Variants in SNX13 observed in about 807,000 individuals in gnomAD.
SNX13 encodes sorting nexin 13, also known as sorting nexin-13.
Under a neutral mutation model 133.6 loss-of-function variants are expected in SNX13, and 45 were observed. That is an observed-to-expected ratio of 0.34 (90% CI 0.27 to 0.43). The LOEUF is 0.43. Ranked by LOEUF, SNX13 falls within the 20% of genes least tolerant of loss-of-function variation. The pLI is 1.00. For synonymous variants in SNX13, 414 were observed against 373.9 expected (o/e 1.11, Z -1.24); for missense variants, 1,032 against 1,145.1 (o/e 0.90, Z 1.43).
Position 17,801,655 on chromosome 7 carries a change from G to C in SNX13, c.2231C>G (p.Pro744Arg). The C allele has an allele frequency of 6.2e-7, 1 of 1,605,002 alleles. No homozygotes were observed. ...TGAATCAGTCTTAGGAATTAAAGGA[G>C]GCACCTAAAAATAAAACCAAATCCA... The part of the protein sequence containing the change: ...QDIKQSFFKV[P>R]PLIPKTDSDP... Residue 744 changes from proline (P) to arginine (R), a missense_variant, in exon 22 of 26, where the codon CCT becomes CGT. Physicochemically the swap from Pro to Arg is moderately radical, Grantham distance 103 (BLOSUM62 -2). Coordinates refer to ENST00000428135, the MANE Select transcript of SNX13 (RefSeq NM_015132.5).
chr7:17,793,886 G>T lies in SNX13; in HGVS notation c.*159C>A. 1.4e-6 allele frequency: 1 copy of T among 718,174 alleles called. No individual in the cohort carries two copies. Among genetic ancestry groups the T allele is most frequent in the Non-Finnish European group, 2.2e-6 (1 of 465,110 alleles). 44.5% of individuals were successfully genotyped at this position (718,174 alleles called of 1,614,324 possible). ...CTCTTGGTAGTGGTGGATTATAGAT[G>T]AGAATGAGAAGAACCACAGACTTAT... On this transcript the variant is annotated 3_prime_UTR_variant, in exon 26 of 26. Coordinates refer to ENST00000428135, the MANE Select transcript of SNX13 (RefSeq NM_015132.5).
At chr7:17,794,610 A>T (rs1207393823) in intron 25 of SNX13, 1 of 202,960 alleles carries the variant, frequency 4.9e-6, no homozygotes, top group Non-Finnish European at 9.9e-6. Flanking sequence ...CTTACCCACC[A>T]CCCTGACTCT....
intron 22 of SNX13, 79 bp downstream of exon 22, chr7:17,801,509 A>T: frequency 9.5e-7 from 1 of 1,049,702 alleles, no homozygotes; most frequent in Non-Finnish European, 1.4e-6. Flanking sequence ...AATGATACAT[A>T]GAACACTTCA....
chr7:17,875,622 A>G, intron 6 of SNX13, 41 bp from the exon 7 acceptor site: 2 of 1,607,948 alleles, frequency 1.2e-6, no homozygotes, highest in Non-Finnish European at 1.7e-6. Context: ...TGATGAAAGG[A>G]AAACAGATTT....
At chr7:17,918,351 G>C (rs987040970) in intron 1 of SNX13, among the ~76,000 whole-genome samples, 20 of 151,558 alleles carry the variant, frequency 1.3e-4, no homozygotes, top group Non-Finnish European at 2.8e-4. Context: ...ACAACCTACA[G>C]AATGGGAGAA....
At chr7:17,844,089 AAAAG>A (rs1473043717) in intron 12 of SNX13, among the ~76,000 whole-genome samples, 1 of 151,876 alleles carries the variant, frequency 6.6e-6, no homozygotes, top group Non-Finnish European at 1.5e-5. Context: ...AGAGATAAAC[AAAAG>A]AGAGAACAGA....
At chr7:17,913,345 G>A (rs1360910328) in intron 1 of SNX13, among the ~76,000 whole-genome samples, 1 of 152,160 alleles carries the variant, frequency 6.6e-6, no homozygotes, top group African/African-American at 2.4e-5. Flanking sequence ...AACGGGGTCT[G>A]AAAGGGGCCA....
chr7:17,890,702 T>C (rs573205440), intron 4 of SNX13, among the ~76,000 whole-genome samples: 2 of 151,422 alleles, frequency 1.3e-5, no homozygotes, highest in South Asian at 4.2e-4. Flanking sequence ...ACCTACTGCC[T>C]AGATTTAAAA....
intron 18 of SNX13, among the ~76,000 whole-genome samples, chr7:17,820,568 CTTCT>C (rs1419085999): frequency 2.0e-5 from 3 of 152,088 alleles, no homozygotes; most frequent in African/African-American, 7.2e-5. Flanking sequence ...TCAACATTAA[CTTCT>C]TTTTCATCAC....
intron 12 of SNX13, among the ~76,000 whole-genome samples, chr7:17,844,314 A>G (rs1327292194): frequency 6.6e-6 from 1 of 152,056 alleles, no homozygotes; most frequent in Non-Finnish European, 1.5e-5. Flanking sequence ...TGGAAATGGA[A>G]AAATTCCTAG....
chr7:17,803,862 AC>A (rs1469658517), intron 20 of SNX13, among the ~76,000 whole-genome samples: 2 of 149,286 alleles, frequency 1.3e-5, no homozygotes, highest in Admixed American at 6.7e-5. Context: ...CCTGGGCAAC[AC>A]AGTGAGACCC....
At chr7:17,922,993 A>C (rs895781804) in intron 1 of SNX13, among the ~76,000 whole-genome samples, 1 of 152,252 alleles carries the variant, frequency 6.6e-6, no homozygotes, top group Non-Finnish European at 1.5e-5. Context: ...ATAAACAAAA[A>C]AATGCATTGC....
At chr7:17,807,807 G>A (rs551790495) in intron 20 of SNX13, among the ~76,000 whole-genome samples, 1 of 147,944 alleles carries the variant, frequency 6.8e-6, no homozygotes, top group East Asian at 2.0e-4. Flanking sequence ...GCCTCTGCTG[G>A]TGATACTCGG....
chr7:17,913,994 C>A (rs757690532), intron 1 of SNX13, among the ~76,000 whole-genome samples: 4 of 151,818 alleles, frequency 2.6e-5, no homozygotes, highest in African/African-American at 9.7e-5. Flanking sequence ...AAATCCAACA[C>A]AAAGAAGCCA....
At chr7:17,899,249 C>T (rs931090326) in intron 1 of SNX13, 24 of 152,098 alleles carry the variant, frequency 1.6e-4, no homozygotes, top group Admixed American at 1.6e-3. Flanking sequence ...CTTTCTTCAT[C>T]CTTGACCTTT....
chr7:17,858,966 C>A (rs1444589108), intron 9 of SNX13, among the ~76,000 whole-genome samples: 1 of 151,988 alleles, frequency 6.6e-6, no homozygotes, highest in East Asian at 1.9e-4. Flanking sequence ...TGAGATAAAT[C>A]ATAGAACAAA....
intron 11 of SNX13, among the ~76,000 whole-genome samples, chr7:17,847,409 G>A (rs1485918421): frequency 1.3e-5 from 2 of 152,048 alleles, no homozygotes; most frequent in Non-Finnish European, 2.9e-5. Flanking sequence ...TCAGCTCACC[G>A]CAACCTCTGC....
At chr7:17,854,175 G>A (rs1315763256) in intron 9 of SNX13, among the ~76,000 whole-genome samples, 1 of 152,074 alleles carries the variant, frequency 6.6e-6, no homozygotes, top group Admixed American at 6.5e-5. Flanking sequence ...TAGCACTGTG[G>A]AGTAAATTAT....
intron 7 of SNX13, among the ~76,000 whole-genome samples, chr7:17,874,416 T>C (rs1794468955): frequency 6.6e-6 from 1 of 152,158 alleles, no homozygotes; most frequent in Non-Finnish European, 1.5e-5. Flanking sequence ...ATTTAAGTTT[T>C]TGGGGGTCAA....
Sources: gnomAD v4.1 joint callset for allele counts (sites outside exome capture counted in the v4.1 genomes callset) on GRCh38, gnomAD v4.1.1 for gene constraint, MANE v1.5 for transcripts, NCBI Gene and HGNC (gene_info 2026-07-23, HGNC 2026-07-21) for gene names.